The following RNFT2 variants were observed in gnomAD, a reference collection of about 807,000 sequenced individuals.
RNFT2 encodes E3 ubiquitin-protein ligase RNFT2.
In RNFT2, 36 loss-of-function variants were observed where a neutral mutation model predicts 53.0. The ratio of observed to expected loss-of-function variants is 0.68; its 90% confidence interval spans 0.52 to 0.90. The LOEUF (loss-of-function observed/expected upper bound fraction) is 0.90. Among genes scored for constraint, RNFT2 ranks in the 40% least tolerant of loss-of-function variants. The pLI is 0.00. For missense variants in RNFT2, 514 were observed against 585.6 expected, an observed-to-expected ratio of 0.88 and a Z score of 1.26; for synonymous variants, 260 against 253.2, an observed-to-expected ratio of 1.03 and a Z score of -0.26.
rs1323473739 is a variant in RNFT2 at position 116,850,717 on chromosome 12, T to G, written c.*1269T>G. 2 of 149,518 alleles carry G rather than the reference T, an allele frequency of 1.3e-5. No homozygotes were observed. Among genetic ancestry groups the G allele is most frequent in the African/African-American group, 4.9e-5 (2 of 40,680 alleles). The allele number at this position is 149,518 out of a possible 1,614,324, so 9.3% of individuals were successfully genotyped here. A position where few individuals can be genotyped will look rare whatever the true frequency, so the allele number is the denominator to read the frequency against. On this transcript the variant is annotated 3_prime_UTR_variant, in exon 11 of 11. Transcript: ENST00000257575. ...ATCTTGGCTCACTGCAACCTCCGCC[T>G]CCCGGGTTCAAGTGATTCTCCTGCC...
chr12:116,786,429 C>T (rs1313005832), intron 7 of RNFT2, among the ~76,000 whole-genome samples: 2 of 152,144 alleles, frequency 1.3e-5, no homozygotes, highest in East Asian at 3.9e-4. Context: ...GTAGTTCTTA[C>T]AGTCATGCAG....
At chr12:116,809,408 T>G (rs1875254876) in intron 7 of RNFT2, among the ~76,000 whole-genome samples, 1 of 152,164 alleles carries the variant, frequency 6.6e-6, no homozygotes, top group African/African-American at 2.4e-5. Flanking sequence ...CAGCGCTTCT[T>G]TGAAGTCCGA....
At chr12:116,762,414 A>AG (rs1326556040) in intron 5 of RNFT2, among the ~76,000 whole-genome samples, 1 of 151,322 alleles carries the variant, frequency 6.6e-6, no homozygotes, top group Non-Finnish European at 1.5e-5. Context: ...AAAAAAAAAA[A>AG]ACAAAGAAAG....
intron 7 of RNFT2, among the ~76,000 whole-genome samples, chr12:116,816,283 G>A (rs956454723): frequency 6.6e-6 from 1 of 152,150 alleles, no homozygotes; most frequent in Non-Finnish European, 1.5e-5. Context: ...TCATGGGGCC[G>A]ATGCTCTTAG....
In RNFT2 at chr12:116,852,234, A is replaced by G; in HGVS notation, c.*2786A>G. 1 of 1,274,176 alleles carries G rather than the reference A, an allele frequency of 7.8e-7. No individual in the cohort carries two copies. The highest frequency in any genetic ancestry group is 1.0e-6 in the Non-Finnish European group (1 of 1,004,254). The allele number at this position is 1,274,176 out of a possible 1,614,324, so 78.9% of individuals were successfully genotyped here. The stretch of plus-strand genomic sequence containing the variant: ...TACAGAGAAAGCAATCTGTGTGGCT[A>G]GTGGGCAGATTACCATGCAAGCCCC... On this transcript the variant is annotated 3_prime_UTR_variant, in exon 11 of 11. Coordinates refer to ENST00000257575, the MANE Select transcript of RNFT2 (RefSeq NM_001382266.1).
chr12:116,814,678 A>AT lies in RNFT2; in HGVS notation c.883-19101dup, dbSNP rs774723275. 3.9e-3 allele frequency among the ~76,000 whole-genome samples: 567 copies of AT among 145,544 alleles called. 2 individuals are homozygous for AT. The highest frequency in any genetic ancestry group is 0.032 in the Middle Eastern group (9 of 278). ...TAATGCTCCACTGTTGCCGTATGAT[A>AT]TTTTTTTTTTTTTCCGACAGAGTCT... On this transcript the variant is annotated intron_variant, in intron 7 of 10. Coordinates refer to ENST00000257575, the MANE Select transcript of RNFT2 (RefSeq NM_001382266.1).
intron 7 of RNFT2, among the ~76,000 whole-genome samples, chr12:116,789,104 T>C (rs1566081691): frequency 1.4e-5 from 2 of 139,346 alleles, no homozygotes; most frequent in Non-Finnish European, 3.1e-5. Context: ...GATGGATGGG[T>C]AGATGGAAGG....
At chr12:116,847,222 A>T (rs1385354168) in intron 10 of RNFT2, among the ~76,000 whole-genome samples, 1 of 152,048 alleles carries the variant, frequency 6.6e-6, no homozygotes, top group Non-Finnish European at 1.5e-5. Context: ...AGGAAATTTT[A>T]AATTAATGTG....
intron 6 of RNFT2, among the ~76,000 whole-genome samples, chr12:116,767,360 A>C (rs1872963714): frequency 6.6e-6 from 1 of 151,762 alleles, no homozygotes; most frequent in Admixed American, 6.6e-5. Flanking sequence ...CTGGTACTAC[A>C]AGTGCATGCC....
rs1871583110 is a variant in RNFT2 at position 116,741,035 on chromosome 12, G to T, written c.25-1G>T. 6.2e-7 allele frequency: 1 copy of T among 1,609,998 alleles called. No individual in the cohort carries two copies. The highest frequency in any genetic ancestry group is 8.5e-7 in the Non-Finnish European group (1 of 1,178,074). On this transcript the variant is annotated splice_acceptor_variant, in intron 2 of 10. Coordinates refer to ENST00000257575, the MANE Select transcript of RNFT2 (RefSeq NM_001382266.1). LOFTEE classifies it high-confidence loss of function. ...TGGCTCACCCATGTGTTGGGTTTTA[G>T]GTGTTAAGGAAGATGCAGAGACGCC...
intron 10 of RNFT2, among the ~76,000 whole-genome samples, chr12:116,842,364 G>A (rs970680592): frequency 1.3e-5 from 2 of 152,046 alleles, no homozygotes; most frequent in Non-Finnish European, 2.9e-5. Context: ...GATACTGGGG[G>A]CCATAATGGA....
chr12:116,788,706 T>G (rs1874051835), intron 7 of RNFT2, among the ~76,000 whole-genome samples: 1 of 152,186 alleles, frequency 6.6e-6, no homozygotes, highest in African/African-American at 2.4e-5. Context: ...GTGTTCATTG[T>G]ATGTATGTAA....
At chr12:116,746,179 G>A (rs1489444137) in intron 3 of RNFT2, among the ~76,000 whole-genome samples, 1 of 152,182 alleles carries the variant, frequency 6.6e-6, no homozygotes, top group Non-Finnish European at 1.5e-5. Flanking sequence ...AGAGGTTGCA[G>A]TGAGCCGAGA....
Position 116,851,670 on chromosome 12 carries a change from G to A in RNFT2, c.*2222G>A, listed in dbSNP as rs573160366. On this transcript the variant is annotated 3_prime_UTR_variant, in exon 11 of 11. Transcript: ENST00000257575. ...CAGGGAGAACTGCTTGAACTCGGGAGGTGAAAGTTGCAGTGAGCCGAGATT... is the reference window on the plus strand; with the variant it reads ...CAGGGAGAACTGCTTGAACTCGGGAAGTGAAAGTTGCAGTGAGCCGAGATT... The A allele has an allele frequency of 3.7e-5, 24 of 641,580 alleles. No homozygotes were observed. In the East Asian group the frequency reaches 6.2e-4, roughly 17 times the overall value. The allele number at this position is 641,580 out of a possible 1,614,324, so 39.7% of individuals were successfully genotyped here.
At chr12:116,835,733 A>G (rs998274414) in intron 8 of RNFT2, among the ~76,000 whole-genome samples, 3 of 152,198 alleles carry the variant, frequency 2.0e-5, no homozygotes, top group African/African-American at 7.2e-5. Context: ...TGCATGCCAT[A>G]TATTTGCTAT....
At chr12:116,802,412 T>G (rs1197080566) in intron 7 of RNFT2, among the ~76,000 whole-genome samples, 1 of 152,204 alleles carries the variant, frequency 6.6e-6, no homozygotes, top group Non-Finnish European at 1.5e-5. Context: ...TGCCCATTTA[T>G]GTATGCATTG....
At chr12:116,783,703 C>A (rs1414839847) in intron 7 of RNFT2, among the ~76,000 whole-genome samples, 1 of 152,244 alleles carries the variant, frequency 6.6e-6, no homozygotes, top group Non-Finnish European at 1.5e-5. Context: ...TCCACCTTTC[C>A]TTAGCACCTG....
At chr12:116,817,060 T>TA (rs1323303858) in intron 7 of RNFT2, among the ~76,000 whole-genome samples, 1 of 152,232 alleles carries the variant, frequency 6.6e-6, no homozygotes, top group Non-Finnish European at 1.5e-5. Context: ...TCGCCCAGGC[T>TA]AGAATACAGT....
intron 10 of RNFT2, among the ~76,000 whole-genome samples, chr12:116,846,566 A>G (rs151112394): frequency 0.02 from 2,969 of 151,816 alleles, 58 homozygotes; most frequent in South Asian, 0.029. Context: ...CTGGGGTTAT[A>G]GGCATGAGCC....
Sources: gnomAD v4.1 joint callset for allele counts (sites outside exome capture counted in the v4.1 genomes callset) on GRCh38, gnomAD v4.1.1 for gene constraint, MANE v1.5 for transcripts, NCBI Gene and HGNC (gene_info 2026-07-23, HGNC 2026-07-21) for gene names.